ASTN1: variants seen among roughly 807,000 people sequenced by gnomAD.
ASTN1 encodes astrotactin-1.
A neutral mutation model predicts 140.7 loss-of-function variants in ASTN1; 41 were observed. The ratio of observed to expected loss-of-function variants is 0.29; its 90% CI spans 0.23 to 0.38. The LOEUF (loss-of-function observed/expected upper bound fraction) is 0.38. Ranked by LOEUF, ASTN1 falls within the 10% of genes least tolerant of loss-of-function variation. ASTN1 has a pLI of 1.00. For missense variants in ASTN1, 1,479 were observed against 1,678.8 expected (o/e 0.88, Z 2.08); for synonymous variants, 640 against 652.2 (o/e 0.98, Z 0.29).
At chr1:177,091,658 G>A (rs1679759379) in intron 1 of ASTN1, among the ~76,000 whole-genome samples, 1 of 152,086 alleles carries the variant, frequency 6.6e-6, no homozygotes, top group Non-Finnish European at 1.5e-5. Context: ...TTCTAGAACA[G>A]TTCTATCTCC....
chr1:177,007,959 C>A (rs1675079396), intron 8 of ASTN1, among the ~76,000 whole-genome samples: 1 of 152,204 alleles, frequency 6.6e-6, no homozygotes, highest in African/African-American at 2.4e-5. Context: ...ATGTCCTCTA[C>A]AAAGAACAGT....
At chr1:176,973,209 T>C (rs1673216305) in intron 8 of ASTN1, among the ~76,000 whole-genome samples, 1 of 152,140 alleles carries the variant, frequency 6.6e-6, no homozygotes, top group African/African-American at 2.4e-5. Flanking sequence ...TCTCCTACTT[T>C]CCCAACTTAT....
At chr1:176,993,492 T>TA (rs1674286946) in intron 8 of ASTN1, among the ~76,000 whole-genome samples, 1 of 152,122 alleles carries the variant, frequency 6.6e-6, no homozygotes, top group Non-Finnish European at 1.5e-5. Flanking sequence ...GGAAGACATT[T>TA]ATCCTTAATC....
chr1:176,919,865 A>G (rs1034891424), intron 16 of ASTN1, among the ~76,000 whole-genome samples: 3 of 152,252 alleles, frequency 2.0e-5, no homozygotes, highest in African/African-American at 7.2e-5. Context: ...CCAAGGACAG[A>G]GAAGAATGTC....
chr1:176,872,724 T>C (rs1196323557), intron 21 of ASTN1, among the ~76,000 whole-genome samples: 3 of 152,112 alleles, frequency 2.0e-5, no homozygotes, highest in Non-Finnish European at 4.4e-5. Flanking sequence ...TCCCTCCCAC[T>C]GTTCCTCCTT....
chr1:176,968,500 G>T (rs966839196), intron 8 of ASTN1, among the ~76,000 whole-genome samples: 2 of 152,268 alleles, frequency 1.3e-5, no homozygotes, highest in East Asian at 3.9e-4. Context: ...CCACCCAGTG[G>T]TCACTTCACT....
At chr1:177,006,877 C>A (rs574280034) in intron 8 of ASTN1, among the ~76,000 whole-genome samples, 1 of 152,198 alleles carries the variant, frequency 6.6e-6, no homozygotes, top group Admixed American at 6.5e-5. Flanking sequence ...CTTGGGAAAG[C>A]GGGATGCAGA....
intron 20 of ASTN1, among the ~76,000 whole-genome samples, chr1:176,877,131 T>C (rs1426689711): frequency 1.3e-5 from 2 of 152,220 alleles, no homozygotes; most frequent in Non-Finnish European, 2.9e-5. Context: ...TGAAGCCACA[T>C]AGTTATAGTG....
chr1:177,003,318 G>T (rs935328321), intron 8 of ASTN1, among the ~76,000 whole-genome samples: 1 of 150,818 alleles, frequency 6.6e-6, no homozygotes, highest in Admixed American at 6.6e-5. Context: ...TCATCCTAGG[G>T]ATGCAGAAAT....
At chr1:177,058,986 C>T (rs760391987) in intron 2 of ASTN1, among the ~76,000 whole-genome samples, 1 of 152,146 alleles carries the variant, frequency 6.6e-6, no homozygotes, top group Non-Finnish European at 1.5e-5. Context: ...TCGCACTATG[C>T]CCCCAGCCCT....
chr1:177,059,148 T>C (rs1677953760), intron 2 of ASTN1, among the ~76,000 whole-genome samples: 1 of 152,184 alleles, frequency 6.6e-6, no homozygotes, highest in Non-Finnish European at 1.5e-5. Context: ...ACTGGTTCTT[T>C]GAAATGGTCT....
chr1:177,085,949 C>A (rs949083211), intron 1 of ASTN1, among the ~76,000 whole-genome samples: 9 of 152,076 alleles, frequency 5.9e-5, no homozygotes, highest in African/African-American at 2.2e-4. Context: ...GGGTTAGTGG[C>A]AAGGTCAAAA....
rs1459195343 is a variant in ASTN1, at chr1:176,861,589, A to G, written c.*2695T>C. Reference sequence around the variant, plus strand: ...AAATCCTCCAGTCAATTGTACAACCATCCTAAGATTTTCCCCTGCCCTGTT... The same window carrying G: ...AAATCCTCCAGTCAATTGTACAACCGTCCTAAGATTTTCCCCTGCCCTGTT... On this transcript the variant is annotated 3_prime_UTR_variant, in exon 23 of 23. Coordinates refer to ENST00000361833, the MANE Select transcript of ASTN1 (RefSeq NM_004319.3). 1 of 985,482 alleles carries G rather than the reference A, an allele frequency of 1.0e-6. No individual in the cohort carries two copies. The highest frequency in any genetic ancestry group is 1.2e-6 in the Non-Finnish European group (1 of 829,950). 61.0% of individuals were successfully genotyped at this position (985,482 alleles called of 1,614,324 possible).
intron 2 of ASTN1, among the ~76,000 whole-genome samples, chr1:177,055,724 T>C (rs575389825): frequency 6.6e-6 from 1 of 152,304 alleles, no homozygotes; most frequent in East Asian, 1.9e-4. Context: ...TGCCTAAATG[T>C]CTCCATTTGT....
intron 20 of ASTN1, among the ~76,000 whole-genome samples, chr1:176,878,133 A>T (rs890815049): frequency 1.3e-5 from 2 of 152,230 alleles, no homozygotes; most frequent in East Asian, 3.9e-4. Flanking sequence ...CCACCTGAAC[A>T]CTGGTCTGCT....
In ASTN1 at chr1:176,994,563, G is replaced by A. The variant is rs537799908; in HGVS notation, c.1523+20228C>T. 4.6e-5 allele frequency among the ~76,000 whole-genome samples: 7 copies of A among 152,156 alleles called. No homozygotes were observed. The South Asian group carries it at 1.0e-3, about 23-fold the overall frequency. ...TCATCATGTTGGCCAGGCTGGTCTC[G>A]AACTCCTGATCTCAAGTGATTCGCC... On this transcript the variant is annotated intron_variant, in intron 8 of 22. Transcript: ENST00000361833.
At chr1:176,981,181 C>T (rs1673595203) in intron 8 of ASTN1, among the ~76,000 whole-genome samples, 1 of 125,802 alleles carries the variant, frequency 7.9e-6, no homozygotes, top group African/African-American at 3.0e-5. Flanking sequence ...CACTCAACTC[C>T]AGCCTGGGTG....
chr1:177,000,290 T>C (rs377517185), intron 8 of ASTN1, among the ~76,000 whole-genome samples: 12 of 152,112 alleles, frequency 7.9e-5, no homozygotes, highest in East Asian at 5.8e-4. Flanking sequence ...AATTCACTAA[T>C]AGAAAATACA....
chr1:177,025,562 A>G (rs1676065795), intron 5 of ASTN1, among the ~76,000 whole-genome samples: 1 of 152,102 alleles, frequency 6.6e-6, no homozygotes, highest in Admixed American at 6.5e-5. Context: ...TGGGAAAGTA[A>G]GAAAGCAAGA....
Sources: allele counts gnomAD v4.1 joint callset (sites outside exome capture counted in the v4.1 genomes callset), GRCh38; gene constraint gnomAD v4.1.1; transcripts MANE v1.5; gene names NCBI Gene and HGNC (gene_info 2026-07-23, HGNC 2026-07-21).